Variants in CDH18 observed in about 807,000 individuals in gnomAD.
The protein encoded by CDH18 is cadherin-18.
Under a neutral mutation model 67.9 loss-of-function variants are expected in CDH18, and 31 were observed. The observed-to-expected ratio is 0.46, with a 90% CI of 0.34 to 0.62. The LOEUF is 0.62. CDH18 is among the 20% of genes least tolerant of loss of function. The probability of loss-of-function intolerance (pLI) is 0.01; values close to 1 mark genes in which losing one functional copy is unlikely to be tolerated. For missense variants in CDH18, 890 were observed against 975.5 expected (o/e 0.91, Z 1.17); for synonymous variants, 362 against 347.2 (o/e 1.04, Z -0.48).
At chr5:20,296,658 C>T (rs995067972) in intron 1 of CDH18, among the ~76,000 whole-genome samples, 1 of 151,790 alleles carries the variant, frequency 6.6e-6, no homozygotes, top group African/African-American at 2.4e-5. Context: ...GTAAACTATG[C>T]TATAAGTAAA....
intron 2 of CDH18, among the ~76,000 whole-genome samples, chr5:19,947,650 C>A (rs1795403327): frequency 6.8e-6 from 1 of 147,772 alleles, no homozygotes; most frequent in South Asian, 2.1e-4. Context: ...GCACTCCCAG[C>A]TACTTGGGAG....
chr5:20,281,894 A>C (rs1047725455), intron 1 of CDH18, among the ~76,000 whole-genome samples: 3 of 152,108 alleles, frequency 2.0e-5, no homozygotes, highest in Non-Finnish European at 4.4e-5. Flanking sequence ...TTCATTGAGC[A>C]GTGGTCTGTA....
chr5:20,334,432 C>G (rs181038964), intron 1 of CDH18, among the ~76,000 whole-genome samples: 1 of 151,900 alleles, frequency 6.6e-6, no homozygotes, highest in Non-Finnish European at 1.5e-5. Context: ...CCACCGCGCC[C>G]GGCCTGACTT....
At chr5:19,979,215 A>AGTGTGTGTGTGT (rs113093535) in intron 2 of CDH18, among the ~76,000 whole-genome samples, 5 of 146,944 alleles carry the variant, frequency 3.4e-5, no homozygotes, top group African/African-American at 7.5e-5. Flanking sequence ...GTGGGGATGG[A>AGTGTGTGTGTGT]GTGTGTGTGT....
intron 2 of CDH18, among the ~76,000 whole-genome samples, chr5:20,021,772 C>T (rs1001010906): frequency 2.6e-5 from 4 of 152,136 alleles, no homozygotes; most frequent in African/African-American, 9.7e-5. Flanking sequence ...ATTACCAACT[C>T]TCAGGTAGTT....
At chr5:20,127,947 G>C (rs759504539) in intron 2 of CDH18, among the ~76,000 whole-genome samples, 1 of 152,060 alleles carries the variant, frequency 6.6e-6, no homozygotes, top group African/African-American at 2.4e-5. Flanking sequence ...CTTGAATCAA[G>C]GTTAATAAAG....
chr5:19,584,615 G>A (rs1030392912), intron 7 of CDH18, among the ~76,000 whole-genome samples: 3 of 151,520 alleles, frequency 2.0e-5, no homozygotes, highest in African/African-American at 7.3e-5. Flanking sequence ...AATGCAACAT[G>A]TACATACCTC....
chr5:20,220,249 AAAC>A (rs1316615817), intron 2 of CDH18, among the ~76,000 whole-genome samples: 1 of 152,068 alleles, frequency 6.6e-6, no homozygotes, highest in Non-Finnish European at 1.5e-5. Context: ...ATAGTAAGCA[AAAC>A]AACAATGTAG....
chr5:20,442,541 C>T (rs1749683072), intron 1 of CDH18, among the ~76,000 whole-genome samples: 1 of 151,696 alleles, frequency 6.6e-6, no homozygotes. Context: ...CTGAGAGGCT[C>T]AATTATGTAG....
intron 2 of CDH18, among the ~76,000 whole-genome samples, chr5:20,044,482 C>A (rs1740738343): frequency 6.6e-6 from 1 of 152,104 alleles, no homozygotes; most frequent in Non-Finnish European, 1.5e-5. Flanking sequence ...TTCAGTTCTA[C>A]TATGCTAATT....
At chr5:20,521,895 A>C (rs1021853129) in intron 1 of CDH18, among the ~76,000 whole-genome samples, 1 of 152,236 alleles carries the variant, frequency 6.6e-6, no homozygotes, top group South Asian at 2.1e-4. Flanking sequence ...CTGAAAAAAA[A>C]CCCTCTTCGA....
rs1009309460 is a variant in CDH18 at position 19,564,618 on chromosome 5, C to T, written c.1253+6961G>A. ...TGATGAGAATGAGACTCAGGTGTAA[C>T]CCAGGGTATTAACAGATATGGTGGC... On this transcript the variant is annotated intron_variant, in intron 8 of 12. Transcript: ENST00000382275. Among the ~76,000 whole-genome samples, 4 of 152,010 alleles carry T rather than the reference C, an allele frequency of 2.6e-5. No homozygotes were observed. The South Asian group carries it at 8.3e-4, about 31-fold the overall frequency.
intron 5 of CDH18, among the ~76,000 whole-genome samples, chr5:19,621,578 C>T (rs1011139229): frequency 6.6e-6 from 1 of 152,084 alleles, no homozygotes; most frequent in African/African-American, 2.4e-5. Context: ...AGTAACAGAA[C>T]AAATACTGCA....
In CDH18 at chr5:19,740,215, AATGGTATTTAATGAT is replaced by A. The variant is rs577136841; in HGVS notation, c.523+6712_523+6726del. ...TGTTACTACCTGTTAAATGCTTTTA[AATGGTATTTAATGAT>A]AGGTATACTAATACACAGAAGAGTT... On this transcript the variant is annotated intron_variant, in intron 4 of 12. Transcript: ENST00000382275. 2.9e-3 allele frequency among the ~76,000 whole-genome samples: 443 copies of A among 152,268 alleles called. 2 individuals are homozygous for A. Among genetic ancestry groups the A allele is most frequent in the African/African-American group, 0.01 (424 of 41,576 alleles).
intron 10 of CDH18, among the ~76,000 whole-genome samples, chr5:19,520,030 T>C (rs1746637793): frequency 6.6e-6 from 1 of 152,192 alleles, no homozygotes; most frequent in South Asian, 2.1e-4. Flanking sequence ...TTGTATAATT[T>C]CTTATACAGC....
chr5:19,808,071 G>C (rs2149879583), intron 3 of CDH18, among the ~76,000 whole-genome samples: 1 of 151,942 alleles, frequency 6.6e-6, no homozygotes, highest in South Asian at 2.1e-4. Context: ...CCAAACAATA[G>C]AAAACAAGGA....
chr5:20,315,033 T>G (rs188662361), intron 1 of CDH18, among the ~76,000 whole-genome samples: 35 of 152,208 alleles, frequency 2.3e-4, no homozygotes, highest in African/African-American at 8.4e-4. Flanking sequence ...GAATAGAGTT[T>G]TATAAACAGT....
At chr5:19,625,470 CA>C (rs1051869445) in intron 5 of CDH18, among the ~76,000 whole-genome samples, 1 of 151,608 alleles carries the variant, frequency 6.6e-6, no homozygotes, top group Admixed American at 6.6e-5. Flanking sequence ...AAAAAAAAAG[CA>C]AAAAAGTATT....
chr5:19,690,220 T>A (rs540183572), intron 5 of CDH18, among the ~76,000 whole-genome samples: 37 of 150,924 alleles, frequency 2.5e-4, no homozygotes, highest in Admixed American at 7.9e-4. Flanking sequence ...AATGAGAAAA[T>A]TAAGAAGAAT....
Sources: allele counts gnomAD v4.1 joint callset (sites outside exome capture counted in the v4.1 genomes callset), GRCh38; gene constraint gnomAD v4.1.1; transcripts MANE v1.5; gene names NCBI Gene and HGNC (gene_info 2026-07-23, HGNC 2026-07-21).